The following EPHA2 variants were observed in gnomAD, a reference collection of about 807,000 sequenced individuals.
EPHA2 encodes the protein ephrin type-A receptor 2.
EPHA2 carries 54 observed loss-of-function variants against 104.9 expected under a neutral mutation model. The ratio of observed to expected loss-of-function variants is 0.51; its 90% CI spans 0.41 to 0.65. The LOEUF (loss-of-function observed/expected upper bound fraction) is 0.65, where lower values mean the gene tolerates loss of function less well. EPHA2 is among the 30% of genes least tolerant of loss of function. EPHA2 has a pLI of 0.00. For synonymous variants in EPHA2, 560 were observed against 559.1 expected (o/e 1.00, Z -0.02); for missense variants, 1,117 against 1,369.5 (o/e 0.82, Z 2.91).
chr1:16,142,848 GGATA>G (rs2024850176), intron 3 of EPHA2, among the ~76,000 whole-genome samples: 1 of 149,904 alleles, frequency 6.7e-6, no homozygotes, highest in Middle Eastern at 3.5e-3. Flanking sequence ...GTGGAGGGGT[GGATA>G]GATGGATGGA....
At position 16,148,957 on chromosome 1, in the gene EPHA2, G is replaced by T. The variant is rs190330372; in HGVS notation, c.244C>A (p.Arg82Ser). 1.9e-6 allele frequency: 3 copies of T among 1,614,136 alleles called. No individual in the cohort carries two copies. The highest frequency in any genetic ancestry group is 1.3e-5 in the African/African-American group (1 of 75,058). The change falls in exon 3 of 17, where the codon CGC (arginine) becomes AGC (serine). Residue 82 changes from arginine (R) to serine (S), a missense_variant. By Grantham distance (110) the Arg-to-Ser change is moderately radical. Coordinates refer to ENST00000358432, the MANE Select transcript of EPHA2 (RefSeq NM_004431.5). This position sits in a 1 kb window ranked among gnomAD's most constrained non-coding sequence, Gnocchi z 4.9. Reference sequence around the variant, plus strand: ...TCTCCTCGGTACACCCAGTTGGTGCGGAGCCAGTTGTCCTGGTCGCCAGAC... The same window carrying T: ...TCTCCTCGGTACACCCAGTTGGTGCTGAGCCAGTTGTCCTGGTCGCCAGAC... ...VMSGDQDNWLRTNWVYRGEAE... is the reference protein window; with the variant it reads ...VMSGDQDNWLSTNWVYRGEAE...
At position 16,125,278 on chromosome 1, in the gene EPHA2, C is replaced by A. The variant is rs757935059; in HGVS notation, c.2868G>T (p.Lys956Asn). ...GTCCCAGCAGGCTGTAGGCGATGCG[C>A]TTCTGGTGGCCGGGCAGCCGCACCC... is the stretch of plus-strand genomic sequence containing the variant. ...RIGVRLPGHQ[K>N]RIAYSLLGLK... The change falls in exon 17 of 17, where the codon AAG becomes AAT. Residue 956 changes from lysine (K) to asparagine (N), a missense_variant. Lys to Asn is a moderately conservative substitution (Grantham distance 94, BLOSUM62 0). This residue lies in a region of EPHA2 where 340 missense variants were observed against 480.5 expected (regional missense o/e 0.71). Transcript: ENST00000358432. This position sits in a 1 kb window ranked among gnomAD's most constrained non-coding sequence, Gnocchi z 4.9. 2 of 1,609,854 alleles carry A rather than the reference C, an allele frequency of 1.2e-6. No homozygotes were observed. The highest frequency in any genetic ancestry group is 1.1e-5 in the South Asian group (1 of 90,990).
chr1:16,155,758 A>T, intron 1 of EPHA2, 90 bp downstream of exon 1: 1 of 1,038,218 alleles, frequency 9.6e-7, no homozygotes, highest in Non-Finnish European at 1.3e-6. Context: ...GACACCAGGT[A>T]GGTTCCAAAG....
intron 3 of EPHA2, among the ~76,000 whole-genome samples, chr1:16,144,803 G>A (rs1335041217): frequency 7.2e-6 from 1 of 138,026 alleles, no homozygotes; most frequent in Non-Finnish European, 1.5e-5. Flanking sequence ...CCAGGCCCCC[G>A]TTCTTTTGGT....
In EPHA2 at chr1:16,125,195, G is replaced by C. The variant is rs757836462; in HGVS notation, c.*20C>G. 6.2e-7 allele frequency: 1 copy of C among 1,609,032 alleles called. No homozygotes were observed. Among genetic ancestry groups the C allele is most frequent in the Non-Finnish European group, 8.5e-7 (1 of 1,176,252 alleles). On this transcript the variant is annotated 3_prime_UTR_variant, in exon 17 of 17. Transcript: ENST00000358432. The surrounding 1 kb of genome is among the most constrained non-coding windows in gnomAD (Gnocchi z 4.9). ...TCTTCAAGTATTCTTGGCCGATGGG[G>C]CTCCAGGCCCTGTCGAGGCTCAGAT...
intron 3 of EPHA2, among the ~76,000 whole-genome samples, chr1:16,142,853 G>A (rs1281218405): frequency 6.8e-6 from 1 of 146,812 alleles, no homozygotes; most frequent in Non-Finnish European, 1.5e-5. Flanking sequence ...GGGGTGGATA[G>A]ATGGATGGAT....
rs1409696077 is a variant in EPHA2, at chr1:16,148,558, T to C, written c.643A>G (p.Ile215Val). 1.2e-6 allele frequency: 2 copies of C among 1,612,668 alleles called. No individual in the cohort carries two copies. Among genetic ancestry groups the C allele is most frequent in the African/African-American group, 1.3e-5 (1 of 74,946 alleles). Residue 215 changes from isoleucine to valine, a missense_variant, in exon 3 of 17, where the codon ATC becomes GTC. Transcript: ENST00000358432. This position sits in a 1 kb window ranked among gnomAD's most constrained non-coding sequence, Gnocchi z 4.9. ...LQGLAHFPET[I>V]AGSDAPSLAT... ...AGGGAAGGTGCATCAGAGCCGGCGA[T>C]GGTCTCAGGGAAGTGGGCCAGGCCC...
At chr1:16,151,023 C>T (rs1297156143) in intron 1 of EPHA2, 60 bp from the exon 2 acceptor site, 1 of 1,572,688 alleles carries the variant, frequency 6.4e-7, no homozygotes, top group Non-Finnish European at 8.7e-7. Flanking sequence ...CAGACCATGG[C>T]AGGAAAGGTG....
intron 5 of EPHA2, 100 bp downstream of exon 5, chr1:16,137,753 G>A (rs2024741685): frequency 1.4e-6 from 2 of 1,431,704 alleles, no homozygotes; most frequent in Non-Finnish European, 9.6e-7. Flanking sequence ...CACTTGCTCT[G>A]CTGCCTCTCT....
chr1:16,133,031 T>C (rs1414058027), intron 11 of EPHA2, 149 bp downstream of exon 11: 1 of 1,079,644 alleles, frequency 9.3e-7, no homozygotes, highest in South Asian at 1.4e-5. Context: ...GGTACAGGTA[T>C]TGGGGAGAAG....
chr1:16,152,166 A>G (rs998441576), intron 1 of EPHA2, among the ~76,000 whole-genome samples: 1 of 152,202 alleles, frequency 6.6e-6, no homozygotes, highest in Non-Finnish European at 1.5e-5. Flanking sequence ...GCCCTGGAGC[A>G]TGAGGGATCT....
intron 16 of EPHA2, among the ~76,000 whole-genome samples, chr1:16,127,275 C>T (rs2024488087): frequency 6.6e-6 from 1 of 152,170 alleles, no homozygotes; most frequent in African/African-American, 2.4e-5. Flanking sequence ...GCCCTCGACC[C>T]CCACACAGGA....
rs1313657748 is a variant in EPHA2 at position 16,138,304 on chromosome 1, G to A, written c.950C>T (p.Pro317Leu). ...CECEEGFFRAPQDPASMPCTR... is the reference protein window; with the variant it reads ...CECEEGFFRALQDPASMPCTR... Reference sequence around the variant, plus strand: ...GCAAGGCATCGACGCTGGGTCCTGAGGTGCCCGGAAGAAGCCTTCCTCACA... The same window carrying A: ...GCAAGGCATCGACGCTGGGTCCTGAAGTGCCCGGAAGAAGCCTTCCTCACA... The change falls in exon 4 of 17, where the codon CCT becomes CTT. Residue 317 changes from proline (P) to leucine (L), a missense_variant. Physicochemically the swap from Pro to Leu is moderately conservative, Grantham distance 98. Coordinates refer to ENST00000358432, the MANE Select transcript of EPHA2 (RefSeq NM_004431.5). The A allele has an allele frequency of 1.9e-6, 3 of 1,613,484 alleles. No individual in the cohort carries two copies. The highest frequency in any genetic ancestry group is 2.2e-5 in the South Asian group (2 of 91,038).
Position 16,130,128 on chromosome 1 carries a change from C to T in EPHA2, c.2669+98G>A, listed in dbSNP as rs1030218599. On this transcript the variant is annotated intron_variant, in intron 15 of 16. Transcript: ENST00000358432. The surrounding 1 kb of genome is among the most constrained non-coding windows in gnomAD (Gnocchi z 4.5). ...ATAACCTCTTAGCCCCCAGCACCCCCCCTACCAGCTTCACCTGGGTGGCCA... is the reference window on the plus strand; with the variant it reads ...ATAACCTCTTAGCCCCCAGCACCCCTCCTACCAGCTTCACCTGGGTGGCCA... The T allele has an allele frequency of 2.6e-6, 4 of 1,531,102 alleles. No homozygotes were observed. The highest frequency in any genetic ancestry group is 2.7e-6 in the Non-Finnish European group (3 of 1,109,132). 94.8% of individuals were successfully genotyped at this position (1,531,102 alleles called of 1,614,324 possible). A position where few individuals can be genotyped will look rare whatever the true frequency, so the allele number is the denominator to read the frequency against.
Position 16,146,649 on chromosome 1 carries a change from G to A in EPHA2, c.823+1729C>T, listed in dbSNP as rs200662188. 5.9e-5 allele frequency among the ~76,000 whole-genome samples: 9 copies of A among 152,350 alleles called. No individual in the cohort carries two copies. In the East Asian group the frequency reaches 1.7e-3, roughly 29 times the overall value. On this transcript the variant is annotated intron_variant, in intron 3 of 16. Transcript: ENST00000358432. ...AGGGGAGCTGGGAAGACAAGGGGGC[G>A]ATGGCATGGGCCGGAGCAGAGCCTA...
At chr1:16,127,236 C>T (rs937876282) in intron 16 of EPHA2, among the ~76,000 whole-genome samples, 3 of 152,158 alleles carry the variant, frequency 2.0e-5, no homozygotes, top group Non-Finnish European at 4.4e-5. Flanking sequence ...ATGCCAAGGG[C>T]ACTGGAGACC....
intron 3 of EPHA2, 31 bp from the exon 4 acceptor site, chr1:16,138,461 G>C: frequency 6.2e-7 from 1 of 1,612,900 alleles, no homozygotes; most frequent in African/African-American, 1.3e-5. Flanking sequence ...AGAGCACAAG[G>C]ACATCAGTTC....
At chr1:16,153,646 T>C (rs979831213) in intron 1 of EPHA2, among the ~76,000 whole-genome samples, 8 of 152,202 alleles carry the variant, frequency 5.3e-5, no homozygotes, top group Non-Finnish European at 1.0e-4. Flanking sequence ...TGGCAAGGGC[T>C]CGGGCCTCCC....
chr1:16,155,591 G>A (rs2025144785), intron 1 of EPHA2: 1 of 394,708 alleles, frequency 2.5e-6, no homozygotes, highest in East Asian at 3.8e-5. Context: ...GCAACCGCGT[G>A]GCCTGCGCCG....
Sources: gnomAD v4.1 joint callset for allele counts (sites outside exome capture counted in the v4.1 genomes callset) on GRCh38, gnomAD v4.1.1 for gene constraint, gnomAD v4.1.1 regional missense constraint, Gnocchi (gnomAD v3.1) non-coding constraint, MANE v1.5 for transcripts, NCBI Gene and HGNC (gene_info 2026-07-23, HGNC 2026-07-21) for gene names.